Variants in GRB10 observed in about 807,000 individuals in gnomAD.
GRB10 encodes the protein growth factor receptor-bound protein 10.
GRB10 carries 20 observed loss-of-function variants against 80.9 expected under a neutral mutation model. The observed-to-expected ratio is 0.25, with a 90% CI of 0.17 to 0.36. The LOEUF (loss-of-function observed/expected upper bound fraction) is 0.36, where lower values mean the gene tolerates loss of function less well. GRB10 is among the 10% of genes least tolerant of loss of function. The pLI, the probability that GRB10 is intolerant of heterozygous loss-of-function variation, is 1.00. For missense variants in GRB10, 548 were observed against 747.7 expected, an observed-to-expected ratio of 0.73 and a Z score of 3.12; for synonymous variants, 291 against 291.5, an observed-to-expected ratio of 1.00 and a Z score of 0.02.
At chr7:50,741,165 G>A (rs2071665167) in intron 3 of GRB10, among the ~76,000 whole-genome samples, 1 of 152,132 alleles carries the variant, frequency 6.6e-6, no homozygotes, top group Admixed American at 6.5e-5. Flanking sequence ...GTCTCAAGGA[G>A]AAAACGAGGA....
chr7:50,741,469 G>A (rs1342990872), intron 3 of GRB10, among the ~76,000 whole-genome samples: 1 of 150,688 alleles, frequency 6.6e-6, no homozygotes, highest in Non-Finnish European at 1.5e-5. Flanking sequence ...GTCCAGCACT[G>A]AGACAGGGAC....
chr7:50,599,383 G>C (rs910849602), intron 17 of GRB10, among the ~76,000 whole-genome samples: 8 of 152,168 alleles, frequency 5.3e-5, no homozygotes, highest in African/African-American at 1.9e-4. Context: ...TCTTTAAACT[G>C]GCTTGCCTTC....
At chr7:50,595,386 T>G in intron 18 of GRB10, 51 bp downstream of exon 18, 1 of 995,694 alleles carries the variant, frequency 1.0e-6, no homozygotes, top group South Asian at 1.3e-5. Flanking sequence ...GCATTAAGAA[T>G]GAAACCAGAA....
At chr7:50,614,997 T>C (rs1195953487) in intron 11 of GRB10, 117 bp from the exon 12 acceptor site, 11 of 722,756 alleles carry the variant, frequency 1.5e-5, no homozygotes, top group Non-Finnish European at 2.8e-5. Context: ...GATGACACTA[T>C]ACATATTACA....
At chr7:50,686,220 C>G (rs1023797594) in intron 5 of GRB10, among the ~76,000 whole-genome samples, 1 of 152,072 alleles carries the variant, frequency 6.6e-6, no homozygotes, top group Non-Finnish European at 1.5e-5. Flanking sequence ...AATTCGTGCC[C>G]TTATAAAGCC....
intron 2 of GRB10, among the ~76,000 whole-genome samples, chr7:50,778,099 T>G (rs1255738576): frequency 6.6e-6 from 1 of 152,104 alleles, no homozygotes; most frequent in Non-Finnish European, 1.5e-5. Flanking sequence ...ACTAGCCTAA[T>G]GAAATAATCA....
chr7:50,671,984 G>A (rs1041761194), intron 6 of GRB10, among the ~76,000 whole-genome samples: 1 of 152,222 alleles, frequency 6.6e-6, no homozygotes, highest in Non-Finnish European at 1.5e-5. Flanking sequence ...CAGAGCTGAG[G>A]GGCGAGGTCC....
At chr7:50,655,113 C>T (rs918108156) in intron 7 of GRB10, among the ~76,000 whole-genome samples, 5 of 152,144 alleles carry the variant, frequency 3.3e-5, no homozygotes, top group African/African-American at 7.2e-5. Flanking sequence ...CCTCAAAACC[C>T]GAGGTCATTC....
intron 3 of GRB10, among the ~76,000 whole-genome samples, chr7:50,748,220 G>A (rs1031643815): frequency 6.6e-6 from 1 of 152,190 alleles, no homozygotes; most frequent in Non-Finnish European, 1.5e-5. Flanking sequence ...GAAGCCCTAG[G>A]TAGGGGTTTT....
At chr7:50,734,974 A>G (rs2070535632) in intron 3 of GRB10, among the ~76,000 whole-genome samples, 1 of 152,226 alleles carries the variant, frequency 6.6e-6, no homozygotes, top group Admixed American at 6.5e-5. Flanking sequence ...GACAAGAAAA[A>G]GAAATAAAAG....
chr7:50,660,673 G>A (rs754464680), intron 7 of GRB10, among the ~76,000 whole-genome samples: 6 of 152,200 alleles, frequency 3.9e-5, no homozygotes, highest in African/African-American at 7.2e-5. Context: ...CAGGAGCCAC[G>A]CAGTAGCAGA....
chr7:50,638,192 A>G (rs2055439045), intron 7 of GRB10, among the ~76,000 whole-genome samples: 1 of 152,236 alleles, frequency 6.6e-6, no homozygotes, highest in Non-Finnish European at 1.5e-5. Context: ...AACCTAGGAA[A>G]AAACTTTTGG....
upstream of GRB10, among the ~76,000 whole-genome samples, chr7:50,784,008 G>C (rs1328150821): frequency 2.0e-5 from 3 of 152,222 alleles, no homozygotes; most frequent in Non-Finnish European, 4.4e-5. Flanking sequence ...AACAAAAGCA[G>C]AGTTAAGGCT....
At chr7:50,724,790 C>A (rs2068329051) in intron 4 of GRB10, among the ~76,000 whole-genome samples, 2 of 152,210 alleles carry the variant, frequency 1.3e-5, no homozygotes, top group Non-Finnish European at 2.9e-5. Context: ...GCGTTACTGA[C>A]AAGGCCAGAA....
chr7:50,691,275 G>C (rs2153658466), intron 5 of GRB10, among the ~76,000 whole-genome samples: 1 of 152,248 alleles, frequency 6.6e-6, no homozygotes, highest in Admixed American at 6.5e-5. Context: ...GGATAAGGAA[G>C]GAGGGCTAAT....
chr7:50,619,229 C>T lies in GRB10; in HGVS notation c.718G>A (p.Glu240Lys). The change falls in exon 9 of 19, where the codon GAG becomes AAG. Residue 240 changes from glutamate to lysine, a missense_variant. Coordinates refer to ENST00000401949, the MANE Select transcript of GRB10 (RefSeq NM_001350814.2). ...VVQVESTMAS[E>K]SKFLFRKNYA... ...TTCTTCCTGAATAGAAATTTACTCT[C>T]ACTGGCCATGGTACTCTCCACCTGG... 6.2e-7 allele frequency: 1 copy of T among 1,613,832 alleles called. No individual in the cohort carries two copies. Among genetic ancestry groups the T allele is most frequent in the South Asian group, 1.1e-5 (1 of 91,074 alleles).
chr7:50,606,313 T>C (rs2048516501), intron 14 of GRB10, 24 bp downstream of exon 14: 1 of 1,597,304 alleles, frequency 6.3e-7, no homozygotes, highest in African/African-American at 1.3e-5. Context: ...GCACTAGACT[T>C]CTGAAGCTCC....
intron 5 of GRB10, among the ~76,000 whole-genome samples, chr7:50,695,884 T>C (rs1036129271): frequency 6.6e-6 from 1 of 152,222 alleles, no homozygotes; most frequent in African/African-American, 2.4e-5. Context: ...AAATCACCCA[T>C]AATCCCACCA....
intron 7 of GRB10, among the ~76,000 whole-genome samples, chr7:50,669,416 TGAGAACTTACTA>T (rs2060135152): frequency 6.6e-6 from 1 of 152,010 alleles, no homozygotes; most frequent in Non-Finnish European, 1.5e-5. Flanking sequence ...CCAGATCTCG[TGAGAACTTACTA>T]TTGTGAGGAC....
Sources: gnomAD v4.1 joint callset for allele counts (sites outside exome capture counted in the v4.1 genomes callset) on GRCh38, gnomAD v4.1.1 for gene constraint, MANE v1.5 for transcripts, NCBI Gene and HGNC (gene_info 2026-07-23, HGNC 2026-07-21) for gene names.